The following VEPH1 variants were observed in gnomAD, a reference collection of about 807,000 sequenced individuals.
VEPH1 encodes ventricular zone-expressed PH domain-containing protein homolog 1.
In VEPH1, 80 loss-of-function variants were observed where a neutral mutation model predicts 85.2. That is an observed-to-expected ratio of 0.94 (90% CI 0.78 to 1.13). The LOEUF (loss-of-function observed/expected upper bound fraction) is 1.13, where lower values mean the gene tolerates loss of function less well. Among genes scored for constraint, VEPH1 ranks in the 50% most tolerant of loss-of-function variants. The probability of loss-of-function intolerance (pLI) is 0.00; values close to 1 mark genes in which losing one functional copy is unlikely to be tolerated. For synonymous variants in VEPH1, 297 were observed against 348.0 expected (o/e 0.85, Z 1.63); for missense variants, 955 against 980.5 (o/e 0.97, Z 0.35).
chr3:157,267,725 G>A (rs1022006957), intron 12 of VEPH1, among the ~76,000 whole-genome samples: 4 of 152,140 alleles, frequency 2.6e-5, no homozygotes, highest in Admixed American at 1.3e-4. Flanking sequence ...CTGAGATTAC[G>A]CCACTGCACT....
intron 9 of VEPH1, among the ~76,000 whole-genome samples, chr3:157,353,661 ATAT>A (rs1725123935): frequency 1.3e-5 from 2 of 152,056 alleles, no homozygotes; most frequent in Admixed American, 6.5e-5. Context: ...ATACATACAC[ATAT>A]ATGTAAATCC....
chr3:157,431,187 T>TGCCATGTAAGACGTGCCTTGTTTCCCC (rs1733120301), intron 4 of VEPH1, among the ~76,000 whole-genome samples: 1 of 152,216 alleles, frequency 6.6e-6, no homozygotes, highest in African/African-American at 2.4e-5. Context: ...TCACTCCTGC[T>TGCCATGTAAGACGTGCCTTGTTTCCCC]GCCATGTAAG....
chr3:157,357,363 A>C (rs1725554697), intron 9 of VEPH1, among the ~76,000 whole-genome samples: 5 of 152,210 alleles, frequency 3.3e-5, no homozygotes. Context: ...AAGAGTGTGC[A>C]TGTGCTCAAC....
chr3:157,322,580 A>G (rs1057488597), intron 9 of VEPH1, among the ~76,000 whole-genome samples: 3 of 152,188 alleles, frequency 2.0e-5, no homozygotes, highest in African/African-American at 7.2e-5. Flanking sequence ...ACAATTTACT[A>G]ATGGCCTACA....
intron 4 of VEPH1, among the ~76,000 whole-genome samples, chr3:157,444,049 C>T (rs963092171): frequency 3.3e-5 from 5 of 152,220 alleles, no homozygotes; most frequent in African/African-American, 1.2e-4. Flanking sequence ...ACACCCCATT[C>T]TCTTCCTTAC....
intron 6 of VEPH1, among the ~76,000 whole-genome samples, chr3:157,391,711 A>G (rs895931313): frequency 6.6e-6 from 1 of 152,030 alleles, no homozygotes; most frequent in Non-Finnish European, 1.5e-5. Flanking sequence ...CTAGAGAGGT[A>G]GGCATCTACA....
At chr3:157,493,483 T>A (rs1439553221) in intron 2 of VEPH1, among the ~76,000 whole-genome samples, 1 of 152,188 alleles carries the variant, frequency 6.6e-6, no homozygotes, top group East Asian at 1.9e-4. Flanking sequence ...CTGGCATTGG[T>A]AACCTCAAAC....
intron 2 of VEPH1, chr3:157,489,310 G>C (rs543363098): frequency 2.0e-5 from 8 of 397,202 alleles, no homozygotes; most frequent in Non-Finnish European, 2.6e-5. Flanking sequence ...CAGCCACACC[G>C]ACCTCAGAAA....
chr3:157,473,818 T>C (rs1314070581), intron 2 of VEPH1, among the ~76,000 whole-genome samples: 1 of 152,118 alleles, frequency 6.6e-6, no homozygotes, highest in African/African-American at 2.4e-5. Context: ...ATTTATTGAG[T>C]TTATTTTTAA....
chr3:157,404,923 A>G (rs533597747), intron 6 of VEPH1, among the ~76,000 whole-genome samples: 7 of 152,196 alleles, frequency 4.6e-5, no homozygotes, highest in Non-Finnish European at 7.4e-5. Flanking sequence ...CCTGCTGCCA[A>G]TGCCCAGTTG....
chr3:157,394,941 CT>C (rs1168887779), intron 6 of VEPH1, among the ~76,000 whole-genome samples: 1 of 152,020 alleles, frequency 6.6e-6, no homozygotes, highest in Non-Finnish European at 1.5e-5. Flanking sequence ...CATATACAGC[CT>C]TCTGGGGAAC....
intron 12 of VEPH1, chr3:157,285,145 T>C (rs1716609546): frequency 6.6e-6 from 1 of 152,246 alleles, no homozygotes; most frequent in Non-Finnish European, 1.5e-5. Context: ...GTCTTTTTCA[T>C]ATATAAAATA....
intron 4 of VEPH1, chr3:157,437,104 A>C: frequency 6.2e-7 from 1 of 1,603,224 alleles, no homozygotes; most frequent in Non-Finnish European, 8.5e-7. Context: ...CCCTGACTAC[A>C]TATCCACCTC....
At chr3:157,290,168 C>T (rs952791518) in intron 11 of VEPH1, among the ~76,000 whole-genome samples, 9 of 151,912 alleles carry the variant, frequency 5.9e-5, no homozygotes, top group Admixed American at 2.6e-4. Flanking sequence ...AGGGACTATG[C>T]GTGGCTTTTA....
chr3:157,465,572 C>T (rs1206111836), intron 3 of VEPH1, among the ~76,000 whole-genome samples: 4 of 152,276 alleles, frequency 2.6e-5, no homozygotes. Flanking sequence ...GCTGGGATTG[C>T]CTACTGAATA....
At chr3:157,441,742 G>A (rs911589305) in intron 4 of VEPH1, among the ~76,000 whole-genome samples, 2 of 151,432 alleles carry the variant, frequency 1.3e-5, no homozygotes, top group African/African-American at 2.4e-5. Context: ...CCTGGGAAGC[G>A]AAGGTTGCCG....
At chr3:157,310,335 A>G (rs943347940) in intron 11 of VEPH1, among the ~76,000 whole-genome samples, 1 of 152,158 alleles carries the variant, frequency 6.6e-6, no homozygotes, top group African/African-American at 2.4e-5. Flanking sequence ...AGAGATCACA[A>G]TGTGTGGCCA....
intron 6 of VEPH1, among the ~76,000 whole-genome samples, chr3:157,388,366 T>G (rs1729522414): frequency 6.6e-6 from 1 of 152,140 alleles, no homozygotes; most frequent in Non-Finnish European, 1.5e-5. Flanking sequence ...TAGACTCTCC[T>G]CCCACCCCAA....
Position 157,286,548 on chromosome 3 carries a change from G to T in VEPH1, c.2128+9C>A, listed in dbSNP as rs778581022. The T allele has an allele frequency of 6.2e-7, 1 of 1,608,960 alleles. No homozygotes were observed. The highest frequency in any genetic ancestry group is 1.1e-5 in the South Asian group (1 of 90,948). On this transcript the variant is annotated intron_variant, in intron 12 of 13. Coordinates refer to ENST00000362010, the MANE Select transcript of VEPH1 (RefSeq NM_001167912.2). ...AAATGGTTCTTAGCAGCAGGTAAGGGTCTCTCACCAGTTGCTTTCTCAGGA... is the reference window on the plus strand; with the variant it reads ...AAATGGTTCTTAGCAGCAGGTAAGGTTCTCTCACCAGTTGCTTTCTCAGGA...
Sources: allele counts gnomAD v4.1 joint callset (sites outside exome capture counted in the v4.1 genomes callset), GRCh38; gene constraint gnomAD v4.1.1; transcripts MANE v1.5; gene names NCBI Gene and HGNC (gene_info 2026-07-23, HGNC 2026-07-21).